The following PGS1 variants were observed in gnomAD, a reference collection of about 807,000 sequenced individuals.
The protein encoded by PGS1 is CDP-diacylglycerol--glycerol-3-phosphate 3-phosphatidyltransferase, mitochondrial.
PGS1 carries 44 observed loss-of-function variants against 58.3 expected under a neutral mutation model. The observed-to-expected ratio is 0.75, with a 90% CI of 0.59 to 0.97. The LOEUF is 0.97. Ranked by LOEUF, PGS1 falls within the 50% of genes least tolerant of loss-of-function variation. The probability of loss-of-function intolerance (pLI) is 0.00; values close to 1 mark genes in which losing one functional copy is unlikely to be tolerated. For missense variants in PGS1, 684 were observed against 731.1 expected (o/e 0.94, Z 0.74); for synonymous variants, 330 against 311.0 (o/e 1.06, Z -0.64).
Position 78,424,158 on chromosome 17 carries a change from AG to A in PGS1, c.*111del. On this transcript the variant is annotated 3_prime_UTR_variant, in exon 10 of 10. Transcript: ENST00000262764. ...TCTGGGTGTCCCAGCGAGCCCCTGCAGGGACAGTATGGCTGAGGGTCAGGTG... is the reference window on the plus strand; with the variant it reads ...TCTGGGTGTCCCAGCGAGCCCCTGCAGGACAGTATGGCTGAGGGTCAGGTG... 1 of 1,607,728 alleles carries A rather than the reference AG, an allele frequency of 6.2e-7. No homozygotes were observed. The highest frequency in any genetic ancestry group is 8.5e-7 in the Non-Finnish European group (1 of 1,177,402).
chr17:78,405,342 G>A (rs968474549), intron 7 of PGS1, among the ~76,000 whole-genome samples: 2 of 152,198 alleles, frequency 1.3e-5, no homozygotes, highest in Non-Finnish European at 2.9e-5. Context: ...GGGATCATTT[G>A]TTTTGGCATC....
At chr17:78,412,652 T>A (rs2084815881) in intron 7 of PGS1, among the ~76,000 whole-genome samples, 1 of 152,206 alleles carries the variant, frequency 6.6e-6, no homozygotes. Flanking sequence ...TTCTGTGGTC[T>A]AGGAGCTGTG....
chr17:78,416,298 A>T (rs1172614685), intron 8 of PGS1, among the ~76,000 whole-genome samples: 2 of 152,228 alleles, frequency 1.3e-5, no homozygotes, highest in Non-Finnish European at 2.9e-5. Context: ...CTGGCCTTGG[A>T]GCCAGGCTAG....
chr17:78,423,801 G>T (rs72903323), intron 9 of PGS1: 2 of 1,451,160 alleles, frequency 1.4e-6, no homozygotes, highest in Non-Finnish European at 9.4e-7. Context: ...TTAAGAGAAC[G>T]AAAAACCACC....
rs1205035229 is a variant in PGS1, at chr17:78,392,546, C to A, written c.214C>A (p.Leu72Met). 4 of 1,614,162 alleles carry A rather than the reference C, an allele frequency of 2.5e-6. No homozygotes were observed. The East Asian group carries it at 8.9e-5, about 36-fold the overall frequency. The change falls in exon 2 of 10, where the codon CTG becomes ATG. Residue 72 changes from leucine (L) to methionine (M), a missense_variant. By Grantham distance (15) the Leu-to-Met change is conservative. Transcript: ENST00000262764. Reference protein sequence around the residue: ...VPQVTSPPCCLCPEGVHRFQW... With the variant: ...VPQVTSPPCCMCPEGVHRFQW... ...CCAGGTCACCTCCCCACCTTGCTGC[C>A]TGTGTCCAGAAGGCGTGCACCGGTT...
chr17:78,397,794 A>G (rs532563007), intron 3 of PGS1, among the ~76,000 whole-genome samples: 1 of 152,322 alleles, frequency 6.6e-6, no homozygotes, highest in East Asian at 1.9e-4. Context: ...GTGTGTTCTC[A>G]TGGGAGAAGA....
At chr17:78,411,096 A>C (rs1276946358) in intron 7 of PGS1, among the ~76,000 whole-genome samples, 1 of 152,170 alleles carries the variant, frequency 6.6e-6, no homozygotes, top group Non-Finnish European at 1.5e-5. Flanking sequence ...AGGAGTAGAC[A>C]CTCGGGCAGT....
At chr17:78,423,566 C>A in intron 9 of PGS1, 1 of 304,842 alleles carries the variant, frequency 3.3e-6, no homozygotes, top group East Asian at 7.5e-5. Flanking sequence ...TCCACTGACC[C>A]CCCCGGGAAG....
intron 7 of PGS1, among the ~76,000 whole-genome samples, chr17:78,413,199 C>T (rs16971236): frequency 1.3e-5 from 2 of 152,210 alleles, no homozygotes; most frequent in Admixed American, 6.5e-5. Context: ...ATTACAGGAA[C>T]AGGCGTAGGG....
intron 7 of PGS1, 27 bp from the exon 8 acceptor site, chr17:78,414,852 T>C: frequency 2.5e-6 from 4 of 1,611,952 alleles, no homozygotes; most frequent in Non-Finnish European, 3.4e-6. Flanking sequence ...GCTCATTTCC[T>C]GTCTGCACGT....
chr17:78,387,002 ATGATGG>A (rs1567940733), intron 1 of PGS1, among the ~76,000 whole-genome samples: 2 of 150,568 alleles, frequency 1.3e-5, no homozygotes, highest in African/African-American at 5.0e-5. Context: ...GATGATGATG[ATGATGG>A]TGATGATGAT....
rs11449829 is a variant in PGS1 at position 78,423,105 on chromosome 17, G to GAA, written c.*11-943_*11-942dup. Reference sequence around the variant, plus strand: ...AAGAGTGAAACTCTCACTCTCCCTCGAAAAAAAAAAAAAATGTTGATCCTG... The same window carrying GAA: ...AAGAGTGAAACTCTCACTCTCCCTCGAAAAAAAAAAAAAAAATGTTGATCCTG... On this transcript the variant is annotated intron_variant, in intron 9 of 9. Coordinates refer to ENST00000262764, the MANE Select transcript of PGS1 (RefSeq NM_024419.5). 3.3e-3 allele frequency among the ~76,000 whole-genome samples: 457 copies of GAA among 137,418 alleles called. 2 individuals carry two copies. Among genetic ancestry groups the GAA allele is most frequent in the South Asian group, 7.2e-3 (31 of 4,324 alleles). 90.2% of individuals were successfully genotyped at this position (137,418 alleles called of 152,430 possible). A position where few individuals can be genotyped will look rare whatever the true frequency, so the allele number is the denominator to read the frequency against.
At chr17:78,410,924 AGACT>A (rs1203048724) in intron 7 of PGS1, among the ~76,000 whole-genome samples, 1 of 152,218 alleles carries the variant, frequency 6.6e-6, no homozygotes, top group Non-Finnish European at 1.5e-5. Flanking sequence ...GGTACCAGAC[AGACT>A]AACTCCCTGC....
At chr17:78,410,759 A>G (rs1473473225) in intron 7 of PGS1, among the ~76,000 whole-genome samples, 1 of 152,070 alleles carries the variant, frequency 6.6e-6, no homozygotes, top group Non-Finnish European at 1.5e-5. Context: ...GGGTTGAGCC[A>G]CTGCGCCTGG....
chr17:78,404,138 C>T (rs1598331056), intron 7 of PGS1, 49 bp downstream of exon 7: 1 of 1,466,540 alleles, frequency 6.8e-7, no homozygotes, highest in East Asian at 2.5e-5. Context: ...CAGCCACAAA[C>T]ATGGGCAGGG....
intron 8 of PGS1, among the ~76,000 whole-genome samples, chr17:78,419,102 G>A (rs1028867981): frequency 2.6e-5 from 4 of 151,774 alleles, no homozygotes; most frequent in East Asian, 1.9e-4. Context: ...TTGACCTCCC[G>A]GGCTGAAACC....
At chr17:78,379,057 C>T (rs976843406) in intron 1 of PGS1, among the ~76,000 whole-genome samples, 1 of 152,320 alleles carries the variant, frequency 6.6e-6, no homozygotes, top group African/African-American at 2.4e-5. Flanking sequence ...CGCAGCCCGG[C>T]CAGTCCTTGC....
chr17:78,421,564 T>C (rs1424310394), intron 9 of PGS1: 1 of 152,256 alleles, frequency 6.6e-6, no homozygotes, highest in Non-Finnish European at 1.5e-5. Context: ...TCACATCAGT[T>C]AACACTGTTT....
intron 7 of PGS1, among the ~76,000 whole-genome samples, chr17:78,411,715 C>T (rs1372188394): frequency 6.6e-6 from 1 of 152,058 alleles, no homozygotes; most frequent in South Asian, 2.1e-4. Flanking sequence ...GATGAAGAGT[C>T]GGGCGTGATA....
Sources: gnomAD v4.1 joint callset for allele counts (sites outside exome capture counted in the v4.1 genomes callset) on GRCh38, gnomAD v4.1.1 for gene constraint, MANE v1.5 for transcripts, NCBI Gene and HGNC (gene_info 2026-07-23, HGNC 2026-07-21) for gene names.